CEP126: variants seen among roughly 807,000 people sequenced by gnomAD.
CEP126 encodes the protein centrosomal protein 126.
In CEP126, 74 loss-of-function variants were observed where a neutral mutation model predicts 107.8. The ratio of observed to expected loss-of-function variants is 0.69; its 90% CI spans 0.57 to 0.83. CEP126 has a LOEUF of 0.83. CEP126 is among the 40% of genes least tolerant of loss of function. CEP126 has a pLI of 0.00. For synonymous variants in CEP126, 449 were observed against 446.0 expected (o/e 1.01, Z -0.08); for missense variants, 1,237 against 1,281.9 (o/e 0.96, Z 0.53).
At chr11:101,967,364 C>T (rs532474503) in intron 6 of CEP126, among the ~76,000 whole-genome samples, 1 of 152,112 alleles carries the variant, frequency 6.6e-6, no homozygotes, top group Non-Finnish European at 1.5e-5. Flanking sequence ...AACTCTTTGC[C>T]TCTTGGTCTT....
At position 101,961,933 on chromosome 11, in the gene CEP126, A is replaced by G; in HGVS notation, c.898A>G (p.Lys300Glu). 6.2e-7 allele frequency: 1 copy of G among 1,611,704 alleles called. No homozygotes were observed. Among genetic ancestry groups the G allele is most frequent in the Non-Finnish European group, 8.5e-7 (1 of 1,178,996 alleles). ...TAATCTCAGCTGCTTTGATGAAGAT[A>G]AACTGGCATTCTCTAAAACTCAACA... The part of the protein sequence containing the change: ...STNLSCFDED[K>E]LAFSKTQHIN... Residue 300 changes from lysine to glutamate, a missense_variant, in exon 6 of 11, where the codon AAA becomes GAA. Physicochemically the swap from Lys to Glu is moderately conservative, Grantham distance 56 (BLOSUM62 1). Transcript: ENST00000263468.
Position 101,962,171 on chromosome 11 carries a change from T to C in CEP126, c.1136T>C (p.Leu379Pro). The change falls in exon 6 of 11, where the codon CTA (leucine) becomes CCA (proline). Residue 379 changes from leucine to proline, a missense_variant. By Grantham distance (98) the Leu-to-Pro change is moderately conservative. Around this residue, in one of 3 missense-constraint regions of CEP126, gnomAD observed 1,134 missense variants for 1,150.5 expected, o/e 0.99. Transcript: ENST00000263468. ...PFVSSPPMFV[L>P]DKKCEKTSET... ...GTATCTAGCCCACCCATGTTTGTAC[T>C]AGATAAAAAATGTGAAAAGACCTCT... 6.2e-7 allele frequency: 1 copy of C among 1,613,706 alleles called. No homozygotes were observed. The highest frequency in any genetic ancestry group is 8.5e-7 in the Non-Finnish European group (1 of 1,179,796).
intron 4 of CEP126, chr11:101,955,878 A>G (rs866263231): frequency 1.3e-5 from 6 of 456,154 alleles, no homozygotes; most frequent in African/African-American, 4.0e-5. Context: ...TTGCGGTCCC[A>G]CCACTTCCAA....
intron 1 of CEP126, among the ~76,000 whole-genome samples, chr11:101,918,118 C>T (rs1940258480): frequency 1.3e-5 from 2 of 152,090 alleles, no homozygotes; most frequent in African/African-American, 4.8e-5. Flanking sequence ...CCCCCAGGCT[C>T]ACTGATGGGA....
At chr11:101,925,674 C>T (rs1363568699) in intron 2 of CEP126, among the ~76,000 whole-genome samples, 3 of 932 alleles carry the variant, frequency 3.2e-3, no homozygotes, top group Non-Finnish European at 8.8e-3. Context: ...GAGGCTGAGG[C>T]AGAGAATTGC....
intron 1 of CEP126, among the ~76,000 whole-genome samples, chr11:101,917,028 ATGTGTG>A (rs57573389): frequency 0.07 from 9,508 of 135,960 alleles, 536 homozygotes; most frequent in East Asian, 0.31. Flanking sequence ...AAATCCAACA[ATGTGTG>A]TGTGTGTGTG....
intron 6 of CEP126, among the ~76,000 whole-genome samples, chr11:101,973,743 A>G (rs1452443529): frequency 2.0e-5 from 3 of 152,226 alleles, no homozygotes; most frequent in African/African-American, 7.2e-5. Context: ...TGGAAACTGA[A>G]TATAATAAAA....
chr11:101,956,792 T>A, intron 4 of CEP126: 1 of 444,912 alleles, frequency 2.2e-6, no homozygotes, highest in South Asian at 1.6e-5. Flanking sequence ...TATTCTTCAC[T>A]CTCCTTCTGT....
At chr11:101,933,323 T>C (rs928568703) in intron 2 of CEP126, among the ~76,000 whole-genome samples, 4 of 152,150 alleles carry the variant, frequency 2.6e-5, no homozygotes, top group Admixed American at 2.6e-4. Flanking sequence ...AAATTCGTGT[T>C]ACATGTGGAA....
intron 4 of CEP126, among the ~76,000 whole-genome samples, chr11:101,948,922 A>C (rs924756613): frequency 7.2e-5 from 11 of 152,190 alleles, no homozygotes; most frequent in African/African-American, 2.7e-4. Flanking sequence ...ACCTGTGCAT[A>C]ATGTTATTCC....
At chr11:101,957,842 T>C (rs1358351982) in intron 4 of CEP126, among the ~76,000 whole-genome samples, 1 of 152,144 alleles carries the variant, frequency 6.6e-6, no homozygotes, top group Non-Finnish European at 1.5e-5. Flanking sequence ...CTTAAAGACC[T>C]GAGGACTGAC....
intron 6 of CEP126, among the ~76,000 whole-genome samples, chr11:101,966,990 C>T: frequency 6.7e-6 from 1 of 149,096 alleles, no homozygotes; most frequent in Admixed American, 6.7e-5. Context: ...AGTATTTTCT[C>T]TACTTTCTCA....
chr11:101,990,225 TAGG>T (rs1267986908), intron 9 of CEP126, among the ~76,000 whole-genome samples: 2 of 152,024 alleles, frequency 1.3e-5, no homozygotes, highest in Non-Finnish European at 2.9e-5. Flanking sequence ...ATGAGGCAAA[TAGG>T]AGGCAGAGCA....
intron 3 of CEP126, among the ~76,000 whole-genome samples, chr11:101,944,867 A>G (rs563040888): frequency 1.3e-5 from 2 of 152,326 alleles, no homozygotes; most frequent in South Asian, 4.1e-4. Flanking sequence ...GAATTTAAAT[A>G]TGATTATGGT....
At chr11:101,989,846 G>C (rs1004925752) in intron 9 of CEP126, among the ~76,000 whole-genome samples, 1 of 152,138 alleles carries the variant, frequency 6.6e-6, no homozygotes, top group African/African-American at 2.4e-5. Context: ...TGTAGCCCCA[G>C]CTACTAGGGA....
rs773224950 is a variant in CEP126 at position 101,963,191 on chromosome 11, A to G, written c.2156A>G (p.Tyr719Cys). ...TTGAACTGTTTTATACCTTCAGGTT[A>G]TAACTTTGCTAAACATGCCTGGCCA... ...MPLNCFIPSG[Y>C]NFAKHAWPAS... is the part of the protein sequence containing the mutation. The change falls in exon 6 of 11, where the codon TAT becomes TGT. Residue 719 changes from tyrosine (Y) to cysteine (C), a missense_variant. Physicochemically the swap from Tyr to Cys is radical, Grantham distance 194. Around this residue, in one of 3 missense-constraint regions of CEP126, gnomAD observed 1,134 missense variants for 1,150.5 expected, o/e 0.99. Transcript: ENST00000263468. 2.5e-6 allele frequency: 4 copies of G among 1,614,080 alleles called. No individual in the cohort carries two copies. The highest frequency in any genetic ancestry group is 3.4e-6 in the Non-Finnish European group (4 of 1,180,014).
At chr11:101,955,887 A>C in intron 4 of CEP126, 1 of 456,284 alleles carries the variant, frequency 2.2e-6, no homozygotes, top group Non-Finnish European at 4.4e-6. Flanking sequence ...CACCACTTCC[A>C]AATTCTTCCT....
At position 101,961,723 on chromosome 11, in the gene CEP126, T is replaced by A. The variant is rs1940971574; in HGVS notation, c.706-18T>A. 4 of 1,358,926 alleles carry A rather than the reference T, an allele frequency of 2.9e-6. No individual in the cohort carries two copies. Among genetic ancestry groups the A allele is most frequent in the South Asian group, 1.4e-5 (1 of 71,214 alleles). The allele number at this position is 1,358,926 out of a possible 1,614,324, so 84.2% of individuals were successfully genotyped here. A position where few individuals can be genotyped will look rare whatever the true frequency, so the allele number is the denominator to read the frequency against. ...TAAAAGTTTATAAGCTATAAAACAA[T>A]GTTCTTTTTTTTTCCAGAAATTTTG... is the stretch of plus-strand genomic sequence containing the variant. On this transcript the variant is annotated intron_variant, in intron 5 of 10. Coordinates refer to ENST00000263468, the MANE Select transcript of CEP126 (RefSeq NM_020802.4).
chr11:101,956,807 A>G, intron 4 of CEP126: 1 of 437,000 alleles, frequency 2.3e-6, no homozygotes, highest in Non-Finnish European at 4.6e-6. Flanking sequence ...TTCTGTTTCT[A>G]CCTCCCCATC....
Sources: gnomAD v4.1 joint callset for allele counts (sites outside exome capture counted in the v4.1 genomes callset) on GRCh38, gnomAD v4.1.1 for gene constraint, gnomAD v4.1.1 regional missense constraint, MANE v1.5 for transcripts, NCBI Gene and HGNC (gene_info 2026-07-23, HGNC 2026-07-21) for gene names.